VPS50: variants seen among roughly 807,000 people sequenced by gnomAD.
The protein encoded by VPS50 is VPS50 subunit of EARP/GARPII complex.
In VPS50, 70 loss-of-function variants were observed where a neutral mutation model predicts 139.7. The ratio of observed to expected loss-of-function variants is 0.50; its 90% CI spans 0.41 to 0.61. VPS50 has a LOEUF of 0.61. Among genes scored for constraint, VPS50 ranks in the 20% least tolerant of loss-of-function variants. The pLI, the probability that VPS50 is intolerant of heterozygous loss-of-function variation, is 0.00. For synonymous variants in VPS50, 365 were observed against 376.7 expected, an observed-to-expected ratio of 0.97 and a Z score of 0.36; for missense variants, 921 against 1,133.7, an observed-to-expected ratio of 0.81 and a Z score of 2.69.
At chr7:93,306,340 G>A (rs865891016) in intron 18 of VPS50, among the ~76,000 whole-genome samples, 9 of 151,812 alleles carry the variant, frequency 5.9e-5, no homozygotes, top group African/African-American at 1.4e-4. Flanking sequence ...GTGAGATGAC[G>A]GAATAGATAT....
At chr7:93,249,872 G>C (rs927137671) in intron 2 of VPS50, among the ~76,000 whole-genome samples, 1 of 152,108 alleles carries the variant, frequency 6.6e-6, no homozygotes. Context: ...CCTGTTGATA[G>C]GCTAGTTGGT....
chr7:93,256,224 A>C (rs919374547), intron 4 of VPS50, among the ~76,000 whole-genome samples: 1 of 152,176 alleles, frequency 6.6e-6, no homozygotes, highest in Admixed American at 6.5e-5. Flanking sequence ...TTTTTGGTTA[A>C]TGTTACTTAA....
At chr7:93,354,511 C>T (rs927913952) in intron 26 of VPS50, among the ~76,000 whole-genome samples, 6 of 152,200 alleles carry the variant, frequency 3.9e-5, no homozygotes, top group African/African-American at 1.4e-4. Flanking sequence ...CCAAGCTGTT[C>T]TTGATCTCCT....
At chr7:93,326,022 C>A (rs1162918494) in intron 21 of VPS50, among the ~76,000 whole-genome samples, 1 of 151,962 alleles carries the variant, frequency 6.6e-6, no homozygotes, top group Non-Finnish European at 1.5e-5. Context: ...GCACTATTCA[C>A]AATGGCAAAG....
At chr7:93,233,768 C>T (rs1010043949) in intron 1 of VPS50, among the ~76,000 whole-genome samples, 6 of 152,138 alleles carry the variant, frequency 3.9e-5, no homozygotes, top group Non-Finnish European at 8.8e-5. Flanking sequence ...GTGTGACTTT[C>T]GGCAAGTTAC....
intron 1 of VPS50, among the ~76,000 whole-genome samples, chr7:93,234,949 A>C (rs1794754356): frequency 6.6e-6 from 1 of 152,180 alleles, no homozygotes; most frequent in African/African-American, 2.4e-5. Flanking sequence ...TAAAAAAAAA[A>C]AAATAGACAA....
Position 93,344,150 on chromosome 7 carries a change from C to G in VPS50, c.2207+2575C>G, listed in dbSNP as rs994777723. 1.8e-3 allele frequency among the ~76,000 whole-genome samples: 273 copies of G among 151,460 alleles called. 1 individual carries two copies. The highest frequency in any genetic ancestry group is 2.8e-3 in the Non-Finnish European group (188 of 67,824). ...ATGGAGGAAGATCTACCAAGCAAAT[C>G]GAAAACAAAAAAAGGCAGGGGTTGC... On this transcript the variant is annotated intron_variant, in intron 23 of 27. Coordinates refer to ENST00000305866, the MANE Select transcript of VPS50 (RefSeq NM_017667.4).
At chr7:93,298,075 A>G (rs1796863428) in intron 16 of VPS50, among the ~76,000 whole-genome samples, 1 of 152,164 alleles carries the variant, frequency 6.6e-6, no homozygotes, top group Non-Finnish European at 1.5e-5. Flanking sequence ...GCCATGTCAA[A>G]AGAGAGATGA....
At chr7:93,296,368 T>C (rs972494603) in intron 14 of VPS50, among the ~76,000 whole-genome samples, 1 of 152,170 alleles carries the variant, frequency 6.6e-6, no homozygotes, top group Non-Finnish European at 1.5e-5. Flanking sequence ...TTATAGTTAT[T>C]GAATATACAC....
chr7:93,311,503 C>T (rs1797266322), intron 20 of VPS50, among the ~76,000 whole-genome samples: 1 of 152,026 alleles, frequency 6.6e-6, no homozygotes, highest in Non-Finnish European at 1.5e-5. Flanking sequence ...TTGTATCTTA[C>T]AATTTTTCTA....
At chr7:93,336,188 C>T (rs770076222) in intron 22 of VPS50, among the ~76,000 whole-genome samples, 4 of 152,136 alleles carry the variant, frequency 2.6e-5, no homozygotes, top group East Asian at 1.9e-4. Flanking sequence ...TTCTCTTGCA[C>T]GTCAGTTAAA....
Position 93,239,906 on chromosome 7 carries a change from C to A in VPS50, c.74C>A (p.Ala25Asp). Residue 25 changes from alanine to aspartate, a missense_variant, in exon 2 of 28, where the codon GCC becomes GAC. Physicochemically the swap from Ala to Asp is moderately radical, Grantham distance 126. This residue lies in a region of VPS50 where 744 missense variants were observed against 930.6 expected (regional missense o/e 0.80). Transcript: ENST00000305866. Reference protein sequence around the residue: ...SPQESLSDLGAIESLRVPGKE... With the variant: ...SPQESLSDLGDIESLRVPGKE... Reference sequence around the variant, plus strand: ...CAAGAAAGCCTCAGTGATCTTGGTGCCATAGAGAGTCTCCGGGTCCCTGGA... The same window carrying A: ...CAAGAAAGCCTCAGTGATCTTGGTGACATAGAGAGTCTCCGGGTCCCTGGA... The A allele has an allele frequency of 6.2e-7, 1 of 1,605,878 alleles. No homozygotes were observed. The highest frequency in any genetic ancestry group is 8.5e-7 in the Non-Finnish European group (1 of 1,173,080).
Position 93,349,869 on chromosome 7 carries a change from T to C in VPS50, c.2305-6T>C, listed in dbSNP as rs1363310762. The C allele has an allele frequency of 5.6e-6, 9 of 1,600,008 alleles. No homozygotes were observed. Among genetic ancestry groups the C allele is most frequent in the Non-Finnish European group, 6.8e-6 (8 of 1,175,020 alleles). ...ATTGTTTTCATTTTTGTGAAATTTA[T>C]TTCAGACAGTCTCAACCGCCAGTGA... is the stretch of plus-strand genomic sequence containing the variant. On this transcript the variant is annotated splice_region_variant and splice_polypyrimidine_tract_variant and intron_variant, in intron 24 of 27. Coordinates refer to ENST00000305866, the MANE Select transcript of VPS50 (RefSeq NM_017667.4).
intron 22 of VPS50, among the ~76,000 whole-genome samples, chr7:93,339,874 CA>C (rs1396423069): frequency 2.2e-4 from 33 of 152,218 alleles, no homozygotes; most frequent in African/African-American, 7.7e-4. Context: ...GCTTAACTTA[CA>C]TAGCTTTTAT....
intron 9 of VPS50, among the ~76,000 whole-genome samples, chr7:93,263,021 A>AT (rs1183944513): frequency 6.6e-6 from 1 of 151,886 alleles, no homozygotes; most frequent in Non-Finnish European, 1.5e-5. Context: ...TATAAATTAG[A>AT]TACACCTCTT....
chr7:93,319,871 A>G (rs1168654463), intron 20 of VPS50, among the ~76,000 whole-genome samples: 1 of 152,078 alleles, frequency 6.6e-6, no homozygotes, highest in Non-Finnish European at 1.5e-5. Context: ...TGTACCTTTT[A>G]GGAGACTTAA....
intron 1 of VPS50, among the ~76,000 whole-genome samples, chr7:93,239,052 A>G (rs1169880113): frequency 1.3e-5 from 2 of 152,166 alleles, no homozygotes; most frequent in South Asian, 2.1e-4. Context: ...ACATAAGCAT[A>G]CCATATATTT....
At chr7:93,311,880 T>C (rs1453447119) in intron 20 of VPS50, among the ~76,000 whole-genome samples, 1 of 152,126 alleles carries the variant, frequency 6.6e-6, no homozygotes, top group African/African-American at 2.4e-5. Context: ...AGCCTTTGTA[T>C]CTCACAAATA....
chr7:93,233,228 T>A (rs1395545691), intron 1 of VPS50, among the ~76,000 whole-genome samples: 1 of 152,234 alleles, frequency 6.6e-6, no homozygotes, highest in East Asian at 1.9e-4. Flanking sequence ...ATTTAAGAAG[T>A]GCAGAAATTT....
Sources: gnomAD v4.1 joint callset for allele counts (sites outside exome capture counted in the v4.1 genomes callset) on GRCh38, gnomAD v4.1.1 for gene constraint, gnomAD v4.1.1 regional missense constraint, MANE v1.5 for transcripts, NCBI Gene and HGNC (gene_info 2026-07-23, HGNC 2026-07-21) for gene names.